CEP63: variants seen among roughly 807,000 people sequenced by gnomAD.
CEP63 encodes the protein centrosomal protein of 63 kDa.
Under a neutral mutation model 89.1 loss-of-function variants are expected in CEP63, and 84 were observed. The ratio of observed to expected loss-of-function variants is 0.94; its 90% CI spans 0.79 to 1.13. CEP63 has a LOEUF of 1.13. Ranked by LOEUF, CEP63 falls within the 50% of genes most tolerant of loss-of-function variation. The probability of loss-of-function intolerance (pLI) is 0.00; values close to 1 mark genes in which losing one functional copy is unlikely to be tolerated. For synonymous variants in CEP63, 267 were observed against 272.5 expected, an observed-to-expected ratio of 0.98 and a Z score of 0.20; for missense variants, 838 against 813.3, an observed-to-expected ratio of 1.03 and a Z score of -0.37.
the CEP63 span, among the ~76,000 whole-genome samples, chr3:134,777,759 A>C: frequency 0.63 from 95,033 of 150,884 alleles, 32,108 homozygotes; most frequent in East Asian, 0.87. Context: ...GATTACAGGT[A>C]CACGCCACTA....
the CEP63 span, chr3:134,608,576 G>T: frequency 6.2e-7 from 1 of 1,612,518 alleles, no homozygotes; most frequent in African/African-American, 1.3e-5. Context: ...CGCAGTCTCA[G>T]GCGGGCTCCT....
the CEP63 span, among the ~76,000 whole-genome samples, chr3:134,741,729 T>C: frequency 2.3e-4 from 35 of 152,372 alleles, no homozygotes; most frequent in African/African-American, 8.4e-4. Flanking sequence ...TTTACTTCTT[T>C]TTTCCAGTCA....
At chr3:134,689,381 T>C in the CEP63 span, among the ~76,000 whole-genome samples, 4 of 152,134 alleles carry the variant, frequency 2.6e-5, no homozygotes, top group South Asian at 8.3e-4. Context: ...GTCACATCAA[T>C]GGTGGAGTCC....
At chr3:134,720,299 A>C in the CEP63 span, among the ~76,000 whole-genome samples, 7 of 152,148 alleles carry the variant, frequency 4.6e-5, no homozygotes, top group Admixed American at 3.3e-4. Context: ...TTCCCATTAA[A>C]AAATAGGTTA....
chr3:134,555,966 G>A (rs1956072586), intron 12 of CEP63, among the ~76,000 whole-genome samples: 1 of 150,806 alleles, frequency 6.6e-6, no homozygotes, highest in Non-Finnish European at 1.5e-5. Context: ...CAGAAATAAT[G>A]CCGCATATCT....
chr3:134,614,031 G>A, the CEP63 span, among the ~76,000 whole-genome samples: 218 of 152,292 alleles, frequency 1.4e-3, no homozygotes, highest in African/African-American at 5.0e-3. Flanking sequence ...CCCAAAATAA[G>A]GCTCAGTGGC....
chr3:134,774,590 A>T, the CEP63 span, among the ~76,000 whole-genome samples: 1 of 152,234 alleles, frequency 6.6e-6, no homozygotes, highest in Non-Finnish European at 1.5e-5. Context: ...ATCTTTGAAG[A>T]TATATGTATC....
the CEP63 span, among the ~76,000 whole-genome samples, chr3:134,672,419 A>G: frequency 1.3e-5 from 2 of 152,228 alleles, no homozygotes; most frequent in Admixed American, 6.5e-5. Context: ...GCTAGCTTAG[A>G]TTCAGTGATA....
chr3:134,665,643 G>A, the CEP63 span, among the ~76,000 whole-genome samples: 7 of 143,082 alleles, frequency 4.9e-5, no homozygotes, highest in East Asian at 2.1e-4. Flanking sequence ...AGAGAGAGGG[G>A]AAACAGAGGA....
At chr3:134,744,338 A>G in the CEP63 span, among the ~76,000 whole-genome samples, 4 of 152,206 alleles carry the variant, frequency 2.6e-5, no homozygotes, top group South Asian at 6.2e-4. Flanking sequence ...ACACAGCCCA[A>G]TATAGCCCCC....
chr3:134,516,591 G>T (rs1295072485), intron 3 of CEP63, among the ~76,000 whole-genome samples: 1 of 152,204 alleles, frequency 6.6e-6, no homozygotes, highest in African/African-American at 2.4e-5. Context: ...CTAGGCAGAG[G>T]TCCCTGCGGC....
chr3:134,693,657 G>A, the CEP63 span, among the ~76,000 whole-genome samples: 3 of 152,292 alleles, frequency 2.0e-5, no homozygotes, highest in Admixed American at 1.3e-4. Flanking sequence ...CCCAGAAGAC[G>A]GGATCCTCTG....
chr3:134,622,730 C>A, the CEP63 span, among the ~76,000 whole-genome samples: 288 of 152,218 alleles, frequency 1.9e-3, no homozygotes, highest in Non-Finnish European at 3.2e-3. Flanking sequence ...TTCGTAGGGG[C>A]CCTCAGGGAA....
intron 6 of CEP63, among the ~76,000 whole-genome samples, chr3:134,544,642 G>GGT (rs1267166273): frequency 1.3e-5 from 2 of 148,924 alleles, no homozygotes; most frequent in Admixed American, 6.7e-5. Flanking sequence ...TAGGTGGGGG[G>GGT]GGGAATTTAA....
chr3:134,645,839 T>G, the CEP63 span, among the ~76,000 whole-genome samples: 2 of 152,248 alleles, frequency 1.3e-5, no homozygotes, highest in African/African-American at 4.8e-5. Context: ...GGTCTTGTAA[T>G]AGTCAATGTG....
the CEP63 span, among the ~76,000 whole-genome samples, chr3:134,668,384 C>G: frequency 6.6e-6 from 1 of 152,164 alleles, no homozygotes. Context: ...GTCATGAGAA[C>G]TTCTTATCTG....
the CEP63 span, among the ~76,000 whole-genome samples, chr3:134,658,697 G>A: frequency 2.6e-5 from 4 of 152,176 alleles, no homozygotes; most frequent in African/African-American, 9.7e-5. Context: ...TACAGGGAAC[G>A]AAGAAGAAGG....
the CEP63 span, among the ~76,000 whole-genome samples, chr3:134,709,104 C>T: frequency 6.6e-6 from 1 of 152,162 alleles, no homozygotes; most frequent in Non-Finnish European, 1.5e-5. Flanking sequence ...TTAATGAAGA[C>T]CTTGATAGAC....
At chr3:134,656,801 G>A in the CEP63 span, among the ~76,000 whole-genome samples, 4 of 152,078 alleles carry the variant, frequency 2.6e-5, no homozygotes, top group Non-Finnish European at 4.4e-5. Context: ...GACCCATCTG[G>A]GTGAGCTGGG....
Sources: gnomAD v4.1 joint callset for allele counts (sites outside exome capture counted in the v4.1 genomes callset) on GRCh38, gnomAD v4.1.1 for gene constraint, MANE v1.5 for transcripts, NCBI Gene and HGNC (gene_info 2026-07-23, HGNC 2026-07-21) for gene names.